The following SLC25A20 variants were observed in gnomAD, a reference collection of about 807,000 sequenced individuals.
SLC25A20 encodes solute carrier family 25 member 20, also known as mitochondrial carnitine/acylcarnitine carrier protein.
In SLC25A20, 29 loss-of-function variants were observed where a neutral mutation model predicts 39.7. The ratio of observed to expected loss-of-function variants is 0.73; its 90% confidence interval spans 0.54 to 1.00. The LOEUF (loss-of-function observed/expected upper bound fraction) is 1.00. Among genes scored for constraint, SLC25A20 ranks in the 50% least tolerant of loss-of-function variants. The pLI is 0.00. For missense variants in SLC25A20, 333 were observed against 379.9 expected (o/e 0.88, Z 1.03); for synonymous variants, 103 against 142.2 (o/e 0.72, Z 1.96).
At chr3:48,864,476 T>C (rs2083651175) in intron 4 of SLC25A20, among the ~76,000 whole-genome samples, 2 of 151,282 alleles carry the variant, frequency 1.3e-5, no homozygotes, top group South Asian at 4.1e-4. Flanking sequence ...GTCCTAATTC[T>C]AGTTGGGAAA....
intron 1 of SLC25A20, among the ~76,000 whole-genome samples, chr3:48,896,576 T>C (rs1247001120): frequency 6.6e-6 from 1 of 151,952 alleles, no homozygotes; most frequent in Non-Finnish European, 1.5e-5. Flanking sequence ...AATGGCACAA[T>C]CTCAGCTCAC....
intron 4 of SLC25A20, among the ~76,000 whole-genome samples, chr3:48,867,058 G>A (rs1390996000): frequency 1.3e-5 from 2 of 151,956 alleles, no homozygotes; most frequent in Non-Finnish European, 2.9e-5. Flanking sequence ...GCCACCCAAA[G>A]TGCTGGGATT....
rs1265151252 is a variant in SLC25A20, at chr3:48,876,801, G to A, written c.417+2557C>T. Among the ~76,000 whole-genome samples the A allele has an allele frequency of 2.6e-5, 4 of 151,376 alleles. No homozygotes were observed. In the East Asian group the frequency reaches 5.9e-4, roughly 22 times the overall value. On this transcript the variant is annotated intron_variant, in intron 4 of 8. Coordinates refer to ENST00000319017, the MANE Select transcript of SLC25A20 (RefSeq NM_000387.6). Reference sequence around the variant, plus strand: ...AAGGGCTCTGAGATTCTGGACAAATGTTAGAAACACATGGCTGAGCACAGT... The same window carrying A: ...AAGGGCTCTGAGATTCTGGACAAATATTAGAAACACATGGCTGAGCACAGT...
At position 48,862,525 on chromosome 3, in the gene SLC25A20, G is replaced by A. The variant is rs749963928; in HGVS notation, c.535+17C>T. ...TGACCTCCCCAGGTGACCTCAAGTGGAGGCCTGAAAGGTTACCTCGCATAA... is the reference window on the plus strand; with the variant it reads ...TGACCTCCCCAGGTGACCTCAAGTGAAGGCCTGAAAGGTTACCTCGCATAA... On this transcript the variant is annotated intron_variant, in intron 5 of 8. Coordinates refer to ENST00000319017, the MANE Select transcript of SLC25A20 (RefSeq NM_000387.6). 1 of 1,554,876 alleles carries A rather than the reference G, an allele frequency of 6.4e-7. No homozygotes were observed. Among genetic ancestry groups the A allele is most frequent in the Non-Finnish European group, 8.9e-7 (1 of 1,126,194 alleles).
At chr3:48,882,255 T>A (rs1188595055) in intron 3 of SLC25A20, among the ~76,000 whole-genome samples, 1 of 152,242 alleles carries the variant, frequency 6.6e-6, no homozygotes, top group Non-Finnish European at 1.5e-5. Context: ...AGGTGACTCT[T>A]CATACCCAAA....
chr3:48,886,037 A>G (rs1020265598), intron 2 of SLC25A20, among the ~76,000 whole-genome samples: 2 of 152,190 alleles, frequency 1.3e-5, no homozygotes, highest in Non-Finnish European at 2.9e-5. Flanking sequence ...AATGCACATC[A>G]TACTTCATAC....
intron 1 of SLC25A20, among the ~76,000 whole-genome samples, chr3:48,893,845 T>TAAAAAAG (rs2083894489): frequency 2.1e-5 from 2 of 95,098 alleles, no homozygotes; most frequent in African/African-American, 8.3e-5. Flanking sequence ...CCAGTCTCTT[T>TAAAAAAG]AAAAAAGAAA....
intron 2 of SLC25A20, among the ~76,000 whole-genome samples, chr3:48,885,580 C>T (rs775614789): frequency 6.6e-6 from 1 of 151,954 alleles, no homozygotes; most frequent in East Asian, 1.9e-4. Context: ...CCAAGGCAGG[C>T]GGATCACAAG....
intron 4 of SLC25A20, 134 bp from the exon 5 acceptor site, chr3:48,862,793 T>C: frequency 2.8e-6 from 2 of 710,540 alleles, no homozygotes; most frequent in South Asian, 3.0e-5. Flanking sequence ...TTGATAAGTA[T>C]CTGGAATGTG....
intron 4 of SLC25A20, among the ~76,000 whole-genome samples, chr3:48,873,572 G>A (rs542244360): frequency 1.6e-4 from 24 of 151,802 alleles, no homozygotes; most frequent in African/African-American, 4.4e-4. Context: ...TCGCACCACC[G>A]CACTCCAGCC....
chr3:48,873,219 G>A (rs1271954295), intron 4 of SLC25A20, among the ~76,000 whole-genome samples: 4 of 151,758 alleles, frequency 2.6e-5, no homozygotes, highest in South Asian at 4.2e-4. Flanking sequence ...GCAAGACTCC[G>A]TCTCAAAAAA....
intron 3 of SLC25A20, among the ~76,000 whole-genome samples, chr3:48,881,194 C>T (rs1372746113): frequency 6.6e-6 from 1 of 152,194 alleles, no homozygotes; most frequent in Non-Finnish European, 1.5e-5. Flanking sequence ...CATGCATCTA[C>T]CTCAGGCACA....
chr3:48,883,580 G>A (rs1402902905), intron 3 of SLC25A20, among the ~76,000 whole-genome samples: 11 of 150,124 alleles, frequency 7.3e-5, no homozygotes, highest in Non-Finnish European at 3.0e-5. Flanking sequence ...AAACTCCCAG[G>A]AGTCAGGCCT....
chr3:48,874,933 G>A (rs910942605), intron 4 of SLC25A20, among the ~76,000 whole-genome samples: 1 of 149,836 alleles, frequency 6.7e-6, no homozygotes, highest in East Asian at 2.0e-4. Context: ...CCAGGCTTGC[G>A]GGTGCATGCC....
intron 4 of SLC25A20, among the ~76,000 whole-genome samples, chr3:48,867,147 G>T (rs1222915080): frequency 6.6e-6 from 1 of 151,864 alleles, no homozygotes; most frequent in Non-Finnish European, 1.5e-5. Context: ...TTGCCATGTT[G>T]CCCAGGCTGG....
intron 2 of SLC25A20, among the ~76,000 whole-genome samples, chr3:48,887,966 T>C (rs1013252081): frequency 2.6e-5 from 4 of 151,616 alleles, no homozygotes; most frequent in Admixed American, 6.6e-5. Context: ...TCCAGCGCTT[T>C]GGGAGGCTGA....
intron 1 of SLC25A20, among the ~76,000 whole-genome samples, chr3:48,896,027 C>A (rs1296827631): frequency 6.6e-6 from 1 of 151,602 alleles, no homozygotes; most frequent in Admixed American, 6.6e-5. Context: ...ATAATCCCAG[C>A]TACTCAGGAG....
intron 5 of SLC25A20, among the ~76,000 whole-genome samples, chr3:48,860,613 T>A (rs1007987602): frequency 5.4e-5 from 8 of 148,128 alleles, no homozygotes; most frequent in Non-Finnish European, 7.5e-5. Flanking sequence ...CAAAAAAAAA[T>A]AATAATAATA....
At chr3:48,860,425 C>T (rs977073451) in intron 5 of SLC25A20, among the ~76,000 whole-genome samples, 5 of 151,634 alleles carry the variant, frequency 3.3e-5, no homozygotes, top group Non-Finnish European at 7.4e-5. Context: ...CTATCCTGGC[C>T]AACATGGTGA....
Sources: allele counts gnomAD v4.1 joint callset (sites outside exome capture counted in the v4.1 genomes callset), GRCh38; gene constraint gnomAD v4.1.1; transcripts MANE v1.5; gene names NCBI Gene and HGNC (gene_info 2026-07-23, HGNC 2026-07-21).